Variants in AVL9 observed in about 807,000 individuals in gnomAD.
AVL9 encodes AVL9 cell migration associated.
In AVL9, 49 loss-of-function variants were observed where a neutral mutation model predicts 79.2. The observed-to-expected ratio is 0.62, with a 90% CI of 0.49 to 0.79. The LOEUF (loss-of-function observed/expected upper bound fraction) is 0.79, where lower values mean the gene tolerates loss of function less well. AVL9 is among the 30% of genes least tolerant of loss of function. AVL9 has a pLI of 0.00. For missense variants in AVL9, 682 were observed against 776.8 expected, an observed-to-expected ratio of 0.88 and a Z score of 1.45; for synonymous variants, 299 against 280.6, an observed-to-expected ratio of 1.07 and a Z score of -0.65.
At chr7:32,522,943 C>T (rs1042546965) in intron 1 of AVL9, among the ~76,000 whole-genome samples, 32 of 151,938 alleles carry the variant, frequency 2.1e-4, no homozygotes, top group African/African-American at 3.4e-4. Context: ...CTCTTGCCAC[C>T]GCCATGTAAT....
chr7:32,499,025 T>C (rs147897992), intron 1 of AVL9, among the ~76,000 whole-genome samples: 2 of 6 alleles, frequency 0.33, no homozygotes, highest in Non-Finnish European at 0.5. Context: ...TAGCTGCGCG[T>C]GGTGGCACAT....
chr7:32,583,960 G>A lies in AVL9; in HGVS notation c.*53G>A, dbSNP rs745364377. 2.1e-5 allele frequency: 27 copies of A among 1,306,908 alleles called. No homozygotes were observed. The highest frequency in any genetic ancestry group is 2.7e-5 in the Non-Finnish European group (24 of 903,526). 81.0% of individuals were successfully genotyped at this position (1,306,908 alleles called of 1,614,324 possible). ...TCTGAGGTTTAAGTGTCCCCTGTCT[G>A]TCTGCTGCTCCCAGGCTGTTACTAG... is the stretch of plus-strand genomic sequence containing the variant. On this transcript the variant is annotated 3_prime_UTR_variant, in exon 16 of 16. Coordinates refer to ENST00000318709, the MANE Select transcript of AVL9 (RefSeq NM_015060.3).
intron 1 of AVL9, chr7:32,539,389 T>C (rs1335404353): frequency 6.6e-6 from 1 of 152,254 alleles, no homozygotes; most frequent in Non-Finnish European, 1.5e-5. Context: ...AACCTATTCT[T>C]AAACTAAGAA....
At chr7:32,565,360 G>T (rs1335343883) in intron 10 of AVL9, among the ~76,000 whole-genome samples, 9 of 152,240 alleles carry the variant, frequency 5.9e-5, no homozygotes, top group Non-Finnish European at 1.5e-5. Context: ...AGGAGTTTGA[G>T]ACCAGCCTGA....
chr7:32,558,647 C>G lies in AVL9; in HGVS notation c.679+19C>G, dbSNP rs531166647. The G allele has an allele frequency of 1.3e-6, 2 of 1,572,506 alleles. No homozygotes were observed. The highest frequency in any genetic ancestry group is 2.7e-5 in the African/African-American group (2 of 73,144). ...TTTCCAGGTAAGAAAACAGCAGTAT[C>G]TACTCTTTCTTTTGTTTAACTTGTA... On this transcript the variant is annotated intron_variant, in intron 9 of 15. Transcript: ENST00000318709.
At chr7:32,502,325 C>T (rs948684406) in intron 1 of AVL9, among the ~76,000 whole-genome samples, 4 of 144,430 alleles carry the variant, frequency 2.8e-5, no homozygotes, top group South Asian at 2.1e-4. Context: ...CCCAGCAGGT[C>T]GAAGCTGCAG....
At chr7:32,578,003 T>C (rs1791176414) in intron 13 of AVL9, among the ~76,000 whole-genome samples, 1 of 152,184 alleles carries the variant, frequency 6.6e-6, no homozygotes, top group South Asian at 2.1e-4. Flanking sequence ...TTGGACTGTG[T>C]ACCCAAGCTC....
rs3079799 is a variant in AVL9, at chr7:32,557,853, C to CTTTTTTTTTTTTTT, written c.610-699_610-686dup. 2.7e-5 allele frequency among the ~76,000 whole-genome samples: 2 copies of CTTTTTTTTTTTTTT among 73,272 alleles called. 1 individual carries two copies. Among genetic ancestry groups the CTTTTTTTTTTTTTT allele is most frequent in the South Asian group, 8.4e-4 (2 of 2,380 alleles). 48.1% of individuals were successfully genotyped at this position (73,272 alleles called of 152,430 possible). On this transcript the variant is annotated intron_variant, in intron 8 of 15. Coordinates refer to ENST00000318709, the MANE Select transcript of AVL9 (RefSeq NM_015060.3). ...ACTTCTATGTTTATTAGCTGTTACT[C>CTTTTTTTTTTTTTT]TTTTTTTTTTTTTTTTTTTTGAGAC...
intron 1 of AVL9, among the ~76,000 whole-genome samples, chr7:32,507,230 C>T (rs1434947643): frequency 6.6e-6 from 1 of 152,104 alleles, no homozygotes; most frequent in African/African-American, 2.4e-5. Flanking sequence ...GTTAGGCCTT[C>T]TTGATAGGCA....
At chr7:32,575,414 T>C in intron 12 of AVL9, among the ~76,000 whole-genome samples, 1 of 152,142 alleles carries the variant, frequency 6.6e-6, no homozygotes, top group East Asian at 1.9e-4. Context: ...TAAGTGTTTT[T>C]GACAGTGAAA....
In AVL9 at chr7:32,495,773, G is replaced by A. The variant is rs1786770023; in HGVS notation, c.64G>A (p.Val22Ile). The A allele has an allele frequency of 7.9e-7, 1 of 1,260,658 alleles. No individual in the cohort carries two copies. 78.1% of individuals were successfully genotyped at this position (1,260,658 alleles called of 1,614,324 possible). A position where few individuals can be genotyped will look rare whatever the true frequency, so the allele number is the denominator to read the frequency against. Residue 22 changes from valine to isoleucine, a missense_variant, in exon 1 of 16, where the codon GTC becomes ATC. Val to Ile is a conservative substitution (Grantham distance 29). Coordinates refer to ENST00000318709, the MANE Select transcript of AVL9 (RefSeq NM_015060.3). Reference protein sequence around the residue: ...PRGPVLHIVVVGFHHKKGCQV... With the variant: ...PRGPVLHIVVIGFHHKKGCQV... ...GGGGCCCGTACTGCACATCGTGGTGGTCGGATTTCACCACAAGAAGGGCTG... is the reference window on the plus strand; with the variant it reads ...GGGGCCCGTACTGCACATCGTGGTGATCGGATTTCACCACAAGAAGGGCTG...
chr7:32,501,197 GAGT>G (rs964191239), intron 1 of AVL9, among the ~76,000 whole-genome samples: 5 of 152,180 alleles, frequency 3.3e-5, no homozygotes, highest in African/African-American at 1.2e-4. Flanking sequence ...CTCAAGCCCT[GAGT>G]GATTCAGGTT....
At chr7:32,514,484 C>T (rs928909848) in intron 1 of AVL9, among the ~76,000 whole-genome samples, 14 of 152,186 alleles carry the variant, frequency 9.2e-5, no homozygotes, top group African/African-American at 3.1e-4. Flanking sequence ...GTGACTTGCA[C>T]GTATATGCCC....
At chr7:32,503,363 T>TACACACACACACAC (rs1199472851) in intron 1 of AVL9, among the ~76,000 whole-genome samples, 6 of 100,310 alleles carry the variant, frequency 6.0e-5, no homozygotes, top group African/African-American at 1.2e-4. Context: ...TATAGAGAGA[T>TACACACACACACAC]ATATATATAT....
chr7:32,551,313 A>G, intron 4 of AVL9, 21 bp from the exon 5 acceptor site: 1 of 1,481,424 alleles, frequency 6.8e-7, no homozygotes, highest in Non-Finnish European at 9.4e-7. Flanking sequence ...ATCAATGGTA[A>G]TTTCTCTTTT....
chr7:32,569,761 G>C (rs1285638268), intron 10 of AVL9, among the ~76,000 whole-genome samples: 2 of 152,206 alleles, frequency 1.3e-5, no homozygotes, highest in Non-Finnish European at 2.9e-5. Context: ...AAGTGATCAA[G>C]AAAGACAACC....
chr7:32,556,396 C>T (rs1472597954), intron 8 of AVL9, among the ~76,000 whole-genome samples: 1 of 151,906 alleles, frequency 6.6e-6, no homozygotes, highest in South Asian at 2.1e-4. Flanking sequence ...TGCCTGTAGT[C>T]CCAGCTACTC....
At position 32,557,584 on chromosome 7, in the gene AVL9, A is replaced by T. The variant is rs189828386; in HGVS notation, c.610-975A>T. Among the ~76,000 whole-genome samples, 35 of 152,300 alleles carry T rather than the reference A, an allele frequency of 2.3e-4. No individual in the cohort carries two copies. In the East Asian group the frequency reaches 4.6e-3, roughly 20 times the overall value. On this transcript the variant is annotated intron_variant, in intron 8 of 15. Transcript: ENST00000318709. Reference sequence around the variant, plus strand: ...AACCTTTTTAGCAAAAATCCTACACAGGTAGTGGTGTGTCTCTGTCAGGAC... The same window carrying T: ...AACCTTTTTAGCAAAAATCCTACACTGGTAGTGGTGTGTCTCTGTCAGGAC...
intron 1 of AVL9, among the ~76,000 whole-genome samples, chr7:32,500,762 C>G (rs1200653398): frequency 6.6e-6 from 1 of 152,042 alleles, no homozygotes; most frequent in African/African-American, 2.4e-5. Flanking sequence ...AGTCTTTAAT[C>G]CATCCTCTGT....
Sources: allele counts gnomAD v4.1 joint callset (sites outside exome capture counted in the v4.1 genomes callset), GRCh38; gene constraint gnomAD v4.1.1; transcripts MANE v1.5; gene names NCBI Gene and HGNC (gene_info 2026-07-23, HGNC 2026-07-21).